The following CTNNA2 variants were observed in gnomAD, a reference collection of about 807,000 sequenced individuals.
The protein encoded by CTNNA2 is catenin alpha 2, also known as catenin alpha-2.
Under a neutral mutation model 101.0 loss-of-function variants are expected in CTNNA2, and 42 were observed. The ratio of observed to expected loss-of-function variants is 0.42; its 90% CI spans 0.32 to 0.54. The LOEUF (loss-of-function observed/expected upper bound fraction) is 0.54. CTNNA2 is among the 20% of genes least tolerant of loss of function. CTNNA2 has a pLI of 0.14. For synonymous variants in CTNNA2, 450 were observed against 456.4 expected, an observed-to-expected ratio of 0.99 and a Z score of 0.18; for missense variants, 871 against 1,223.1, an observed-to-expected ratio of 0.71 and a Z score of 4.29.
At chr2:80,223,379 A>G (rs755069612) in intron 7 of CTNNA2, among the ~76,000 whole-genome samples, 33 of 152,188 alleles carry the variant, frequency 2.2e-4, no homozygotes, top group South Asian at 8.3e-4. Flanking sequence ...GGTTCAAGTG[A>G]TTCTCCTGCC....
At chr2:79,787,294 A>C (rs1674918512) in intron 3 of CTNNA2, among the ~76,000 whole-genome samples, 1 of 152,100 alleles carries the variant, frequency 6.6e-6, no homozygotes, top group South Asian at 2.1e-4. Context: ...AAAAATCGAG[A>C]CCATATGATC....
chr2:79,562,851 T>A (rs935226787), intron 1 of CTNNA2, among the ~76,000 whole-genome samples: 1 of 151,926 alleles, frequency 6.6e-6, no homozygotes, highest in Admixed American at 6.6e-5. Flanking sequence ...TAAAAAAAGC[T>A]GAGTGTTGTT....
At chr2:80,627,176 C>CGT (rs36153723) in intron 18 of CTNNA2, among the ~76,000 whole-genome samples, 12 of 151,520 alleles carry the variant, frequency 7.9e-5, no homozygotes, top group African/African-American at 1.9e-4. Flanking sequence ...AATAAACATA[C>CGT]GTGTGTGTGT....
intron 1 of CTNNA2, among the ~76,000 whole-genome samples, chr2:79,548,802 T>C (rs769163209): frequency 1.3e-5 from 2 of 152,192 alleles, no homozygotes; most frequent in Non-Finnish European, 2.9e-5. Flanking sequence ...CAGGTTCAGC[T>C]GGCCTGGCCT....
chr2:80,094,306 AG>A (rs899189405), intron 7 of CTNNA2, among the ~76,000 whole-genome samples: 1 of 152,088 alleles, frequency 6.6e-6, no homozygotes, highest in African/African-American at 2.4e-5. Flanking sequence ...GTCAAAGATC[AG>A]ATAGTTGTAG....
At chr2:79,982,028 T>C (rs917235641) in intron 7 of CTNNA2, among the ~76,000 whole-genome samples, 1 of 135,154 alleles carries the variant, frequency 7.4e-6, no homozygotes, top group Non-Finnish European at 1.6e-5. Flanking sequence ...TTCATGGTAG[T>C]GTTTTGTTTT....
At chr2:80,146,709 G>GTTT (rs1384506245) in intron 7 of CTNNA2, among the ~76,000 whole-genome samples, 1 of 70,462 alleles carries the variant, frequency 1.4e-5, no homozygotes, top group African/African-American at 4.7e-5. Context: ...AGTCCCCTCT[G>GTTT]GTTTTTTTTT....
intron 7 of CTNNA2, among the ~76,000 whole-genome samples, chr2:79,950,424 A>G (rs764759284): frequency 2.6e-5 from 4 of 152,214 alleles, no homozygotes; most frequent in Non-Finnish European, 4.4e-5. Flanking sequence ...CAATCAGGCC[A>G]ACTGTTCAGA....
At chr2:79,843,950 C>T (rs1328303873) in intron 3 of CTNNA2, among the ~76,000 whole-genome samples, 2 of 152,196 alleles carry the variant, frequency 1.3e-5, no homozygotes, top group African/African-American at 4.8e-5. Context: ...ATGCGAACAT[C>T]AGCAGGCTAG....
At chr2:79,327,207 T>G (rs1676766645) in intron 3 of CTNNA2, among the ~76,000 whole-genome samples, 1 of 152,220 alleles carries the variant, frequency 6.6e-6, no homozygotes, top group Non-Finnish European at 1.5e-5. Context: ...ATGCATAACA[T>G]GTATGGAATA....
chr2:80,419,751 A>C, intron 9 of CTNNA2, 150 bp downstream of exon 9: 1 of 756,972 alleles, frequency 1.3e-6, no homozygotes, highest in Non-Finnish European at 2.0e-6. Context: ...TGATTACTGT[A>C]CCCCCTTTCG....
At chr2:79,980,611 CAT>C (rs769457906) in intron 7 of CTNNA2, among the ~76,000 whole-genome samples, 1 of 151,980 alleles carries the variant, frequency 6.6e-6, no homozygotes, top group Non-Finnish European at 1.5e-5. Context: ...ATTATGTAAA[CAT>C]ATTTAAAATC....
At chr2:80,177,103 A>T in intron 7 of CTNNA2, among the ~76,000 whole-genome samples, 1 of 152,154 alleles carries the variant, frequency 6.6e-6, no homozygotes, top group East Asian at 1.9e-4. Context: ...TTACCATTCT[A>T]TCAGTCCAGC....
Position 79,402,386 on chromosome 2 carries a change from T to A in CTNNA2, c.-135+28373T>A, listed in dbSNP as rs139313483. Among the ~76,000 whole-genome samples, 59 of 151,974 alleles carry A rather than the reference T, an allele frequency of 3.9e-4. 1 individual carries two copies. Among genetic ancestry groups the A allele is most frequent in the South Asian group, 1.0e-3 (5 of 4,826 alleles). The stretch of plus-strand genomic sequence containing the variant: ...AATAGTCCCCTTTATCTGCAGGGGA[T>A]GTGTCTCAAGACTCCCAGTGGTTGC... On this transcript the variant is annotated intron_variant, in intron 4 of 21. Transcript: ENST00000466387.
intron 7 of CTNNA2, among the ~76,000 whole-genome samples, chr2:80,113,445 A>G (rs1046521957): frequency 7.9e-5 from 12 of 152,246 alleles, no homozygotes; most frequent in African/African-American, 1.2e-4. Context: ...TAAATTGCAG[A>G]TCTGCCATGA....
chr2:79,831,643 A>C (rs1678936939), intron 3 of CTNNA2, among the ~76,000 whole-genome samples: 1 of 151,454 alleles, frequency 6.6e-6, no homozygotes, highest in Non-Finnish European at 1.5e-5. Flanking sequence ...TTGCGAGGTA[A>C]TTGGTAATTC....
chr2:79,911,249 T>G (rs1459551146), intron 7 of CTNNA2, among the ~76,000 whole-genome samples: 6 of 152,202 alleles, frequency 3.9e-5, no homozygotes, highest in African/African-American at 1.4e-4. Flanking sequence ...GTTTGTTCGT[T>G]GTTGTTGTTA....
intron 9 of CTNNA2, among the ~76,000 whole-genome samples, chr2:80,470,915 A>T (rs187425652): frequency 7.2e-5 from 11 of 152,324 alleles, no homozygotes; most frequent in Non-Finnish European, 1.3e-4. Flanking sequence ...TAAGCAAGTG[A>T]CATTTAAGCA....
intron 2 of CTNNA2, among the ~76,000 whole-genome samples, chr2:79,732,643 C>G (rs2104928148): frequency 6.6e-6 from 1 of 152,084 alleles, no homozygotes; most frequent in East Asian, 1.9e-4. Context: ...ATGGCATACA[C>G]TTTTAAAAAC....
Sources: allele counts gnomAD v4.1 joint callset (sites outside exome capture counted in the v4.1 genomes callset), GRCh38; gene constraint gnomAD v4.1.1; transcripts MANE v1.5; gene names NCBI Gene and HGNC (gene_info 2026-07-23, HGNC 2026-07-21).